Variants in BLTP3B observed in about 807,000 individuals in gnomAD.
BLTP3B encodes the protein UHRF1 (ICBP90) binding protein 1-like.
chr12:100,057,789 G>A, the BLTP3B span: 1 of 1,499,280 alleles, frequency 6.7e-7, no homozygotes, highest in Non-Finnish European at 8.9e-7. Flanking sequence ...ATAGAGAAAA[G>A]AATTCTATCT....
the BLTP3B span, among the ~76,000 whole-genome samples, chr12:100,038,722 C>T: frequency 3.3e-5 from 5 of 152,216 alleles, no homozygotes; most frequent in African/African-American, 1.2e-4. Flanking sequence ...GAGCCATTCC[C>T]TCATAATTAG....
the BLTP3B span, among the ~76,000 whole-genome samples, chr12:100,083,741 T>C: frequency 6.6e-6 from 1 of 151,244 alleles, no homozygotes; most frequent in Non-Finnish European, 1.5e-5. Context: ...ATACGTACAA[T>C]TATTATGTGT....
chr12:100,048,573 G>A, the BLTP3B span, among the ~76,000 whole-genome samples: 3 of 152,052 alleles, frequency 2.0e-5, no homozygotes, highest in Non-Finnish European at 4.4e-5. Flanking sequence ...CATTTCTCAA[G>A]AAGTAACAAA....
the BLTP3B span, among the ~76,000 whole-genome samples, chr12:100,106,767 T>A: frequency 2.5e-4 from 38 of 152,198 alleles, no homozygotes; most frequent in Admixed American, 2.5e-3. Flanking sequence ...AAAAAAAATT[T>A]ACTGAAAGTG....
chr12:100,137,325 C>CA, the BLTP3B span, among the ~76,000 whole-genome samples: 1 of 152,144 alleles, frequency 6.6e-6, no homozygotes, highest in African/African-American at 2.4e-5. Context: ...TATATATCCT[C>CA]AATCTAGTGG....
chr12:100,086,369 A>G, the BLTP3B span: 1 of 539,304 alleles, frequency 1.9e-6, no homozygotes, highest in African/African-American at 2.8e-5. Context: ...CTGGGAAAAA[A>G]AAAGGGGGGG....
the BLTP3B span, among the ~76,000 whole-genome samples, chr12:100,077,533 C>T: frequency 1.3e-5 from 2 of 152,202 alleles, no homozygotes; most frequent in South Asian, 2.1e-4. Context: ...ATTTAACAGG[C>T]GGCATCACTG....
chr12:100,141,010 G>C, the BLTP3B span, among the ~76,000 whole-genome samples: 1 of 151,932 alleles, frequency 6.6e-6, no homozygotes, highest in African/African-American at 2.4e-5. Flanking sequence ...CCTTGGACGA[G>C]TGAGAAAGTA....
the BLTP3B span, among the ~76,000 whole-genome samples, chr12:100,132,297 T>G: frequency 6.6e-6 from 1 of 152,196 alleles, no homozygotes; most frequent in Non-Finnish European, 1.5e-5. Flanking sequence ...CAATATGGTT[T>G]ATTTGTCCCC....
At chr12:100,083,181 AAC>A in the BLTP3B span, 4 of 1,367,634 alleles carry the variant, frequency 2.9e-6, no homozygotes, top group Non-Finnish European at 4.2e-6. Context: ...AATTATTTTT[AAC>A]AGTCACTCTT....
At chr12:100,134,603 C>T in the BLTP3B span, among the ~76,000 whole-genome samples, 7 of 145,972 alleles carry the variant, frequency 4.8e-5, no homozygotes, top group African/African-American at 1.6e-4. Flanking sequence ...GGCAACAGAA[C>T]GAGACTCTGT....
the BLTP3B span, among the ~76,000 whole-genome samples, chr12:100,046,929 A>G: frequency 6.6e-6 from 1 of 152,176 alleles, no homozygotes; most frequent in East Asian, 1.9e-4. Context: ...GAAAGAGATC[A>G]ACTGAGAGAC....
the BLTP3B span, chr12:100,097,553 T>C: frequency 6.6e-7 from 1 of 1,524,544 alleles, no homozygotes; most frequent in Non-Finnish European, 8.8e-7. Flanking sequence ...CAAAACAGAA[T>C]GAGAAAAATG....
the BLTP3B span, among the ~76,000 whole-genome samples, chr12:100,040,016 CTAAGT>C: frequency 2.0e-5 from 3 of 151,708 alleles, no homozygotes; most frequent in South Asian, 2.1e-4. Flanking sequence ...TCAACTTCAT[CTAAGT>C]TAATTACATA....
chr12:100,061,656 CAAAAAAAA>C, the BLTP3B span, among the ~76,000 whole-genome samples: 4 of 67,314 alleles, frequency 5.9e-5, no homozygotes, highest in African/African-American at 2.1e-4. Flanking sequence ...GACTCCGTCT[CAAAAAAAA>C]AAAAAAAAAA....
the BLTP3B span, chr12:100,086,378 G>T: frequency 1.6e-5 from 12 of 749,310 alleles, no homozygotes; most frequent in South Asian, 3.1e-5. Flanking sequence ...AAAAAGGGGG[G>T]GGGGGAAATA....
the BLTP3B span, among the ~76,000 whole-genome samples, chr12:100,103,344 G>A: frequency 2.0e-5 from 3 of 151,974 alleles, no homozygotes; most frequent in Non-Finnish European, 4.4e-5. Context: ...TCTTTCTCAG[G>A]GTAATATTTT....
chr12:100,140,729 A>AAAATATATATATATATAT, the BLTP3B span, among the ~76,000 whole-genome samples: 1 of 61,490 alleles, frequency 1.6e-5, no homozygotes, highest in African/African-American at 1.0e-4. Context: ...AAAAAAAAAA[A>AAAATATATATATATATAT]ATATATATAT....
chr12:100,046,009 A>T, the BLTP3B span, among the ~76,000 whole-genome samples: 7 of 152,238 alleles, frequency 4.6e-5, no homozygotes, highest in Non-Finnish European at 1.0e-4. Context: ...AGAAATGCAA[A>T]TCAAAACCAC....
Sources: gnomAD v4.1 joint callset for allele counts (sites outside exome capture counted in the v4.1 genomes callset) on GRCh38, gnomAD v4.1.1 for gene constraint, MANE v1.5 for transcripts, NCBI Gene and HGNC (gene_info 2026-07-23, HGNC 2026-07-21) for gene names.